The following CSNK1G1 variants were observed in gnomAD, a reference collection of about 807,000 sequenced individuals.
The protein encoded by CSNK1G1 is casein kinase I isoform gamma-1.
In CSNK1G1, 22 loss-of-function variants were observed where a neutral mutation model predicts 59.6. The ratio of observed to expected loss-of-function variants is 0.37; its 90% CI spans 0.26 to 0.53. The LOEUF (loss-of-function observed/expected upper bound fraction) is 0.53, where lower values mean the gene tolerates loss of function less well. Ranked by LOEUF, CSNK1G1 falls within the 20% of genes least tolerant of loss-of-function variation. The pLI is 0.89. For missense variants in CSNK1G1, 384 were observed against 519.5 expected, an observed-to-expected ratio of 0.74 and a Z score of 2.54; for synonymous variants, 179 against 177.1, an observed-to-expected ratio of 1.01 and a Z score of -0.08.
chr15:64,279,933 C>T (rs1894029228), intron 2 of CSNK1G1, among the ~76,000 whole-genome samples: 1 of 150,722 alleles, frequency 6.6e-6, no homozygotes, highest in South Asian at 2.1e-4. Context: ...GATCGCACCA[C>T]TGCACTCAAG....
chr15:64,182,058 T>TTTTTTG (rs2081823305), intron 10 of CSNK1G1: 1 of 118,704 alleles, frequency 8.4e-6, no homozygotes, highest in African/African-American at 3.4e-5. Context: ...AACCCGTTTT[T>TTTTTTG]TTTTTTTTTT....
At position 64,166,221 on chromosome 15, in the gene CSNK1G1, T is replaced by G; in HGVS notation, c.*5710A>C. ...CAACATCCCAACATCTTTTTAAGAG[T>G]ACAATGGGCAAAGATCAAAGACAGA... On this transcript the variant is annotated 3_prime_UTR_variant, in exon 12 of 12. Transcript: ENST00000303052. The surrounding 1 kb of genome is among the most constrained non-coding windows in gnomAD (Gnocchi z 4.5). The G allele has an allele frequency of 2.3e-6, 1 of 439,522 alleles. No homozygotes were observed. Among genetic ancestry groups the G allele is most frequent in the South Asian group, 5.4e-5 (1 of 18,420 alleles). 27.2% of individuals were successfully genotyped at this position (439,522 alleles called of 1,614,324 possible).
Position 64,172,755 on chromosome 15 carries a change from A to G in CSNK1G1, c.1215-770T>C, listed in dbSNP as rs563161733. Among the ~76,000 whole-genome samples the G allele has an allele frequency of 2.6e-5, 4 of 152,278 alleles. No homozygotes were observed. In the East Asian group the frequency reaches 7.7e-4, roughly 29 times the overall value. The stretch of plus-strand genomic sequence containing the variant: ...CTGCTGTGCCAGATGGGGTTTATGA[A>G]CTGGCCTTGTTTAGGATGGAGGTGG... On this transcript the variant is annotated intron_variant, in intron 11 of 11. Transcript: ENST00000303052.
At chr15:64,182,327 C>T (rs1258696347) in intron 10 of CSNK1G1, among the ~76,000 whole-genome samples, 3 of 152,130 alleles carry the variant, frequency 2.0e-5, no homozygotes, top group Admixed American at 6.5e-5. Flanking sequence ...CCTGCCTTGG[C>T]TTCCCGAAGT....
chr15:64,233,136 T>G (rs1177533644), intron 4 of CSNK1G1, among the ~76,000 whole-genome samples: 1 of 152,208 alleles, frequency 6.6e-6, no homozygotes, highest in Non-Finnish European at 1.5e-5. Context: ...AATTCTACCT[T>G]CACACTGAGC....
chr15:64,182,064 T>G (rs866518914), intron 10 of CSNK1G1, among the ~76,000 whole-genome samples: 9 of 137,292 alleles, frequency 6.6e-5, no homozygotes, highest in Non-Finnish European at 1.3e-4. Flanking sequence ...TTTTTTTTTT[T>G]TTTTTTTTTT....
At chr15:64,177,713 T>TGG (rs2081758087) in intron 11 of CSNK1G1, among the ~76,000 whole-genome samples, 1 of 152,222 alleles carries the variant, frequency 6.6e-6, no homozygotes, top group African/African-American at 2.4e-5. Flanking sequence ...AATGAGCCCA[T>TGG]ATCTTACACA....
chr15:64,276,742 G>A (rs1332452599), intron 2 of CSNK1G1, among the ~76,000 whole-genome samples: 4 of 151,976 alleles, frequency 2.6e-5, no homozygotes, highest in East Asian at 1.9e-4. Flanking sequence ...TCAGGAGATC[G>A]AGACCATCCT....
chr15:64,238,128 C>T (rs1291731377), intron 4 of CSNK1G1, among the ~76,000 whole-genome samples: 1 of 152,056 alleles, frequency 6.6e-6, no homozygotes, highest in Non-Finnish European at 1.5e-5. Context: ...AAATCTTGCT[C>T]TTTCACTGGG....
chr15:64,283,706 C>T (rs924343178), intron 2 of CSNK1G1, among the ~76,000 whole-genome samples: 1 of 152,174 alleles, frequency 6.6e-6, no homozygotes. Context: ...TGGTCTCAAA[C>T]TCCTGACCTC....
intron 2 of CSNK1G1, among the ~76,000 whole-genome samples, chr15:64,293,340 A>C (rs569988387): frequency 6.6e-6 from 1 of 152,358 alleles, no homozygotes; most frequent in East Asian, 1.9e-4. Context: ...TAAAAAAATA[A>C]GCAAATATGT....
At position 64,333,257 on chromosome 15, in the gene CSNK1G1, CAAAAAAAAAAAA is replaced by C. The variant is rs60857897; in HGVS notation, c.-225+22719_-225+22730del. 3.6e-4 allele frequency among the ~76,000 whole-genome samples: 6 copies of C among 16,508 alleles called. No individual in the cohort carries two copies. In the East Asian group the frequency reaches 0.015, roughly 42 times the overall value. 10.8% of individuals were successfully genotyped at this position (16,508 alleles called of 152,430 possible). On this transcript the variant is annotated intron_variant, in intron 1 of 11. Transcript: ENST00000303052. ...GAGCAACAAGAGTGAGACTCCATCT[CAAAAAAAAAAAA>C]AAAAAAAAAAAAAGGAATGCTAAAA... is the stretch of plus-strand genomic sequence containing the variant.
At chr15:64,271,064 C>T (rs1893274881) in intron 2 of CSNK1G1, among the ~76,000 whole-genome samples, 1 of 152,108 alleles carries the variant, frequency 6.6e-6, no homozygotes, top group South Asian at 2.1e-4. Context: ...CTCACTGCAA[C>T]CTCTGCCTCC....
intron 2 of CSNK1G1, among the ~76,000 whole-genome samples, chr15:64,289,364 A>G (rs1003368528): frequency 6.6e-6 from 1 of 152,130 alleles, no homozygotes; most frequent in Non-Finnish European, 1.5e-5. Context: ...AGAACTCTTC[A>G]TTTCTACTTT....
At chr15:64,187,212 T>A (rs997213092) in intron 10 of CSNK1G1, among the ~76,000 whole-genome samples, 1 of 150,784 alleles carries the variant, frequency 6.6e-6, no homozygotes, top group Admixed American at 6.6e-5. Context: ...TTGGGGGGGA[T>A]GGAGCCTCAT....
intron 4 of CSNK1G1, among the ~76,000 whole-genome samples, chr15:64,218,854 T>G (rs1052948204): frequency 5.5e-5 from 2 of 36,086 alleles, no homozygotes; most frequent in Non-Finnish European, 8.4e-5. Context: ...TTTGAAGTGT[T>G]TTTTTTTTTT....
At chr15:64,312,266 A>G (rs1345393055) in intron 1 of CSNK1G1, among the ~76,000 whole-genome samples, 3 of 152,206 alleles carry the variant, frequency 2.0e-5, no homozygotes, top group Admixed American at 6.5e-5. Flanking sequence ...TAAACTTCAT[A>G]TGGAACCAAA....
intron 1 of CSNK1G1, among the ~76,000 whole-genome samples, chr15:64,312,449 C>T (rs1297490959): frequency 6.6e-6 from 1 of 152,140 alleles, no homozygotes; most frequent in African/African-American, 2.4e-5. Context: ...GAAATAACAC[C>T]ACACATCTAC....
At chr15:64,243,852 T>C (rs1450129255) in intron 4 of CSNK1G1, among the ~76,000 whole-genome samples, 1 of 121,646 alleles carries the variant, frequency 8.2e-6, no homozygotes, top group Non-Finnish European at 1.8e-5. Flanking sequence ...CCTGGGTGAC[T>C]GAGTGAGAAC....
Sources: gnomAD v4.1 joint callset for allele counts (sites outside exome capture counted in the v4.1 genomes callset) on GRCh38, gnomAD v4.1.1 for gene constraint, Gnocchi (gnomAD v3.1) non-coding constraint, MANE v1.5 for transcripts, NCBI Gene and HGNC (gene_info 2026-07-23, HGNC 2026-07-21) for gene names.